Variants in ECE1 observed in about 807,000 individuals in gnomAD.
ECE1 encodes endothelin-converting enzyme 1.
Under a neutral mutation model 98.6 loss-of-function variants are expected in ECE1, and 35 were observed. The ratio of observed to expected loss-of-function variants is 0.35; its 90% CI spans 0.27 to 0.47. The LOEUF (loss-of-function observed/expected upper bound fraction) is 0.47. Among genes scored for constraint, ECE1 ranks in the 20% least tolerant of loss-of-function variants. The pLI is 1.00. For missense variants in ECE1, 814 were observed against 1,025.3 expected (o/e 0.79, Z 2.81); for synonymous variants, 394 against 407.1 (o/e 0.97, Z 0.39).
At chr1:21,229,170 T>G (rs1400813169) in intron 14 of ECE1, among the ~76,000 whole-genome samples, 1 of 151,904 alleles carries the variant, frequency 6.6e-6, no homozygotes, top group Non-Finnish European at 1.5e-5. Flanking sequence ...TCTCAACCCC[T>G]GAATACAAGA....
intron 17 of ECE1, among the ~76,000 whole-genome samples, chr1:21,224,615 G>A (rs758731878): frequency 6.6e-6 from 1 of 152,048 alleles, no homozygotes; most frequent in African/African-American, 2.4e-5. Flanking sequence ...TACTGCCGTG[G>A]TTGGGAGGAA....
rs373422349 is a variant in ECE1, at chr1:21,233,621, C to T, written c.1607G>A (p.Arg536Gln). The change falls in exon 14 of 19, where the codon CGG (arginine) becomes CAG (glutamine). Residue 536 changes from arginine to glutamine, a missense_variant. Transcript: ENST00000374893. The surrounding 1 kb of genome is among the most constrained non-coding windows in gnomAD (Gnocchi z 4.0). Reference protein sequence around the residue: ...VPDLYFENAMRFFNFSWRVTA... With the variant: ...VPDLYFENAMQFFNFSWRVTA... ...GACCCTCCATGAGAAGTTGAAAAAC[C>T]GCATGGCATTTTCAAAGTAGAGGTC... 1.2e-4 allele frequency: 195 copies of T among 1,613,832 alleles called. No individual in the cohort carries two copies. The highest frequency in any genetic ancestry group is 1.5e-4 in the Non-Finnish European group (181 of 1,179,962).
At chr1:21,237,204 A>G (rs1573946164) in intron 11 of ECE1, among the ~76,000 whole-genome samples, 1 of 152,164 alleles carries the variant, frequency 6.6e-6, no homozygotes, top group Non-Finnish European at 1.5e-5. Context: ...TTATTGCCTT[A>G]TTGGACCACA....
rs1470732698 is a variant in ECE1 at position 21,342,194 on chromosome 1, TG to T, written c.3+3181del. 2.6e-5 allele frequency among the ~76,000 whole-genome samples: 4 copies of T among 152,262 alleles called. No individual in the cohort carries two copies. In the East Asian group the frequency reaches 7.7e-4, roughly 29 times the overall value. On this transcript the variant is annotated intron_variant, in intron 1 of 18. Coordinates refer to the ECE1 transcript ENST00000415912. Reference sequence around the variant, plus strand: ...CGGTAGCCTCAACTCAGCCCCAGCTTGGAAAGTGAAGGAACATTCTCAAGGT... The same window carrying T: ...CGGTAGCCTCAACTCAGCCCCAGCTTGAAAGTGAAGGAACATTCTCAAGGT...
In ECE1 at chr1:21,319,609, C is replaced by G. The variant is rs776248135; in HGVS notation, c.3+25767G>C. On this transcript the variant is annotated intron_variant, in intron 1 of 18. Coordinates refer to the ECE1 transcript ENST00000415912. This position sits in a 1 kb window ranked among gnomAD's most constrained non-coding sequence, Gnocchi z 4.4. ...GGAGCCCTCCAAGCCAGCAGCTGTG[C>G]CCTCCCCTCTGTGAACTGGGCAGGA... Among the ~76,000 whole-genome samples the G allele has an allele frequency of 6.6e-6, 1 of 152,116 alleles. No homozygotes were observed. The highest frequency in any genetic ancestry group is 1.5e-5 in the Non-Finnish European group (1 of 68,028).
Position 21,258,919 on chromosome 1 carries a change from T to C in ECE1, c.616-80A>G. 1 of 1,580,908 alleles carries C rather than the reference T, an allele frequency of 6.3e-7. No individual in the cohort carries two copies. The highest frequency in any genetic ancestry group is 8.6e-7 in the Non-Finnish European group (1 of 1,160,916). On this transcript the variant is annotated intron_variant, in intron 5 of 18. Transcript: ENST00000374893. The surrounding 1 kb of genome is among the most constrained non-coding windows in gnomAD (Gnocchi z 4.2). ...GTGAATTCTGGTTCTGCCGCTGACT[T>C]GCTCTGTGACCCTGGAGCAGTCGCC...
At chr1:21,273,060 A>C in intron 3 of ECE1, 149 bp from the exon 4 acceptor site, 1 of 809,562 alleles carries the variant, frequency 1.2e-6, no homozygotes, top group South Asian at 1.5e-5. Context: ...AGACCCCTAC[A>C]GAGAAATGAT....
At chr1:21,221,722 T>A in intron 18 of ECE1, 25 bp downstream of exon 18, 18 of 1,608,486 alleles carry the variant, frequency 1.1e-5, no homozygotes, top group Non-Finnish European at 1.4e-5. Flanking sequence ...GTACCATGTG[T>A]GGCATGTTTT....
chr1:21,222,611 C>T (rs1314431820), intron 17 of ECE1, among the ~76,000 whole-genome samples: 1 of 152,064 alleles, frequency 6.6e-6, no homozygotes, highest in Non-Finnish European at 1.5e-5. Context: ...AAGGCCCAGG[C>T]AGGTGGATCA....
chr1:21,276,305 C>T (rs1224887709), intron 3 of ECE1, among the ~76,000 whole-genome samples: 5 of 152,118 alleles, frequency 3.3e-5, no homozygotes, highest in African/African-American at 9.7e-5. Context: ...GGATTATAGG[C>T]GTGAGCCACT....
At chr1:21,230,005 C>T (rs555594996) in intron 14 of ECE1, among the ~76,000 whole-genome samples, 7 of 151,996 alleles carry the variant, frequency 4.6e-5, no homozygotes, top group African/African-American at 1.2e-4. Flanking sequence ...ACAAAAATTC[C>T]GGCCCCGGTG....
chr1:21,306,882 C>G (rs565389845), intron 1 of ECE1, among the ~76,000 whole-genome samples: 3 of 152,286 alleles, frequency 2.0e-5, no homozygotes, highest in African/African-American at 7.2e-5. Flanking sequence ...ACCAACCCCC[C>G]CAATCTACAG....
intron 1 of ECE1, among the ~76,000 whole-genome samples, chr1:21,317,497 G>A (rs1638854812): frequency 1.3e-5 from 2 of 152,220 alleles, no homozygotes; most frequent in South Asian, 4.1e-4. Flanking sequence ...AGCTGGTGAC[G>A]CATCTGCAGC....
At chr1:21,323,632 A>AAAAAT (rs58201460) in intron 1 of ECE1, among the ~76,000 whole-genome samples, 11,221 of 149,408 alleles carry the variant, frequency 0.075, 431 homozygotes, top group Middle Eastern at 0.12. Context: ...CCAAAAAACT[A>AAAAAT]AAAATAAAAT....
intron 16 of ECE1, among the ~76,000 whole-genome samples, chr1:21,226,651 T>A (rs1444046499): frequency 6.6e-6 from 1 of 152,206 alleles, no homozygotes; most frequent in East Asian, 1.9e-4. Context: ...CACCTCAGCC[T>A]CCCAAGTAGC....
rs1202293749 is a variant in ECE1 at position 21,290,191 on chromosome 1, G to A, written c.52-35C>T. 3 of 1,499,764 alleles carry A rather than the reference G, an allele frequency of 2.0e-6. No homozygotes were observed. Among genetic ancestry groups the A allele is most frequent in the Non-Finnish European group, 1.8e-6 (2 of 1,124,522 alleles). 92.9% of individuals were successfully genotyped at this position (1,499,764 alleles called of 1,614,324 possible). On this transcript the variant is annotated intron_variant, in intron 1 of 18. Transcript: ENST00000374893. The surrounding 1 kb of genome is among the most constrained non-coding windows in gnomAD (Gnocchi z 7.3). ...CAAATGCAGCACGGACTCCCTCAGC[G>A]CCTCCATGGCTCTCGCGCCCGAATG...
chr1:21,311,581 G>A lies in ECE1; in HGVS notation c.4-21425C>T, dbSNP rs144081413. 4.7e-3 allele frequency among the ~76,000 whole-genome samples: 715 copies of A among 150,740 alleles called. 3 individuals carry two copies. Among genetic ancestry groups the A allele is most frequent in the African/African-American group, 0.016 (655 of 40,866 alleles). Reference sequence around the variant, plus strand: ...TGCAATCCCAGCACTTTCGGAGGTCGAGGTGGGAGGATCGCTTGAGCTCAG... The same window carrying A: ...TGCAATCCCAGCACTTTCGGAGGTCAAGGTGGGAGGATCGCTTGAGCTCAG... On this transcript the variant is annotated intron_variant, in intron 1 of 18. Coordinates refer to the ECE1 transcript ENST00000415912.
At chr1:21,321,657 C>T (rs1638966297) in intron 1 of ECE1, among the ~76,000 whole-genome samples, 1 of 152,098 alleles carries the variant, frequency 6.6e-6, no homozygotes, top group Admixed American at 6.5e-5. Flanking sequence ...GCTCTGTTGC[C>T]CAGGCTGGAG....
intron 1 of ECE1, among the ~76,000 whole-genome samples, chr1:21,335,627 TG>T (rs1639293061): frequency 6.6e-6 from 1 of 152,028 alleles, no homozygotes; most frequent in South Asian, 2.1e-4. Context: ...TCACCCAGGG[TG>T]GACAGAGTCG....
Sources: gnomAD v4.1 joint callset for allele counts (sites outside exome capture counted in the v4.1 genomes callset) on GRCh38, gnomAD v4.1.1 for gene constraint, Gnocchi (gnomAD v3.1) non-coding constraint, MANE v1.5 for transcripts, NCBI Gene and HGNC (gene_info 2026-07-23, HGNC 2026-07-21) for gene names.